The following CFAP44 variants were observed in gnomAD, a reference collection of about 807,000 sequenced individuals.
CFAP44 encodes cilia- and flagella-associated protein 44.
Under a neutral mutation model 216.2 loss-of-function variants are expected in CFAP44, and 134 were observed. The observed-to-expected ratio is 0.62, with a 90% CI of 0.54 to 0.72. The LOEUF (loss-of-function observed/expected upper bound fraction) is 0.72, where lower values mean the gene tolerates loss of function less well. CFAP44 is among the 30% of genes least tolerant of loss of function. CFAP44 has a pLI of 0.00. For missense variants in CFAP44, 2,035 were observed against 2,182.1 expected (o/e 0.93, Z 1.34); for synonymous variants, 700 against 727.6 (o/e 0.96, Z 0.61).
intron 21 of CFAP44, chr3:113,362,725 T>G (rs1205225266): frequency 3.0e-6 from 1 of 331,582 alleles, no homozygotes; most frequent in Non-Finnish European, 5.5e-6. Context: ...ACCAGTCTGC[T>G]TGCAGCAAAA....
rs1396478082 is a variant in CFAP44 at position 113,403,862 on chromosome 3, CCAT to C, written c.1157_1159del (p.Asp386del). 1 of 1,612,696 alleles carries C rather than the reference CCAT, an allele frequency of 6.2e-7. No homozygotes were observed. The highest frequency in any genetic ancestry group is 1.3e-5 in the African/African-American group (1 of 74,844). The stretch of plus-strand genomic sequence containing the variant: ...ATCGAGAAAACTTACCCTAACATAT[CCAT>C]CTGACCCAACAGTGATAACTTCACC... On this transcript the variant is annotated inframe_deletion, in exon 9 of 35. Coordinates refer to ENST00000393845, the MANE Select transcript of CFAP44 (RefSeq NM_001164496.2).
rs1304508445 is a variant in CFAP44 at position 113,358,863 on chromosome 3, C to T, written c.2947G>A (p.Asp983Asn). 21 of 1,536,294 alleles carry T rather than the reference C, an allele frequency of 1.4e-5. No individual in the cohort carries two copies. Among genetic ancestry groups the T allele is most frequent in the Admixed American group, 2.0e-5 (1 of 50,930 alleles). Residue 983 changes from aspartate (D) to asparagine (N), a missense_variant, in exon 22 of 35, where the codon GAT (aspartate) becomes AAT (asparagine). This residue lies in a region of CFAP44 where 1,883 missense variants were observed against 2,023.7 expected (regional missense o/e 0.93). Transcript: ENST00000393845. ...MQFKRTDFDV[D>N]SQIRAEMHRK... is the part of the protein sequence containing the mutation. ...TGCATCTCAGCACGGATTTGGGAATCTACATCAAAATCCTGCAGATAAGAA... is the reference window on the plus strand; with the variant it reads ...TGCATCTCAGCACGGATTTGGGAATTTACATCAAAATCCTGCAGATAAGAA...
chr3:113,402,513 C>T (rs1437432677), intron 9 of CFAP44, among the ~76,000 whole-genome samples: 2 of 152,154 alleles, frequency 1.3e-5, no homozygotes, highest in Non-Finnish European at 1.5e-5. Context: ...GGCAACATAC[C>T]CTGCCATGTG....
chr3:113,382,057 A>G (rs1357667150), intron 15 of CFAP44, among the ~76,000 whole-genome samples: 1 of 152,170 alleles, frequency 6.6e-6, no homozygotes, highest in Non-Finnish European at 1.5e-5. Context: ...CAAGGGAAAC[A>G]CCATGTGCAA....
intron 24 of CFAP44, among the ~76,000 whole-genome samples, chr3:113,335,162 T>C (rs1382308728): frequency 6.6e-6 from 1 of 152,176 alleles, no homozygotes; most frequent in East Asian, 1.9e-4. Context: ...ATCCTCATAA[T>C]ATAAACAACC....
At chr3:113,305,372 C>T (rs1471216852) in intron 30 of CFAP44, among the ~76,000 whole-genome samples, 2 of 152,164 alleles carry the variant, frequency 1.3e-5, no homozygotes, top group African/African-American at 4.8e-5. Context: ...TCTATGACTC[C>T]AGAGTTATAA....
chr3:113,344,901 T>C lies in CFAP44; in HGVS notation c.3066-189A>G, dbSNP rs1950366485. On this transcript the variant is annotated intron_variant, in intron 22 of 34. Coordinates refer to ENST00000393845, the MANE Select transcript of CFAP44 (RefSeq NM_001164496.2). ...GGATTGGACTTGATTAAAGAGCAAA[T>C]ATAGTCTTTCTAATGAAAATACTAA... 4.6e-5 allele frequency among the ~76,000 whole-genome samples: 7 copies of C among 151,902 alleles called. No individual in the cohort carries two copies. The South Asian group carries it at 1.5e-3, about 31-fold the overall frequency.
In CFAP44 at chr3:113,287,210, A is replaced by G; in HGVS notation, c.*4347T>C. 2.6e-6 allele frequency: 1 copy of G among 384,478 alleles called. No individual in the cohort carries two copies. Among genetic ancestry groups the G allele is most frequent in the South Asian group, 2.0e-5 (1 of 50,966 alleles). The allele number at this position is 384,478 out of a possible 1,614,324, so 23.8% of individuals were successfully genotyped here. On this transcript the variant is annotated 3_prime_UTR_variant, in exon 35 of 35. Coordinates refer to ENST00000393845, the MANE Select transcript of CFAP44 (RefSeq NM_001164496.2). The stretch of plus-strand genomic sequence containing the variant: ...TGGCAAGAGGAAGGATCCCAGGCAC[A>G]TGGTTCATCACGAGCATGAGGGAAC...
intron 1 of CFAP44, among the ~76,000 whole-genome samples, chr3:113,438,888 TTTTC>T (rs1935294833): frequency 6.6e-6 from 1 of 152,208 alleles, no homozygotes; most frequent in African/African-American, 2.4e-5. Flanking sequence ...TGTTTCCAAC[TTTTC>T]TTTACCACCC....
chr3:113,437,899 C>T (rs1935274119), intron 1 of CFAP44, among the ~76,000 whole-genome samples: 1 of 152,028 alleles, frequency 6.6e-6, no homozygotes, highest in African/African-American at 2.4e-5. Context: ...TCCCTGCTTG[C>T]CCAAGAAACA....
In CFAP44 at chr3:113,400,607, C is replaced by G. The variant is rs1378138898; in HGVS notation, c.1412G>C (p.Gly471Ala). ...AGAAACAGCCACGGCTTCAATAGCT[C>G]CAGAATGGAAGGAGAAGAGGCATTC... Reference protein sequence around the residue: ...DPECLFSFHSGAIEAVAVSPL... With the variant: ...DPECLFSFHSAAIEAVAVSPL... The change falls in exon 12 of 35, where the codon GGA (glycine) becomes GCA (alanine). Residue 471 changes from glycine to alanine, a missense_variant. By Grantham distance (60) the Gly-to-Ala change is moderately conservative (BLOSUM62 0). Transcript: ENST00000393845. 1.2e-5 allele frequency: 20 copies of G among 1,610,234 alleles called. No homozygotes were observed. Among genetic ancestry groups the G allele is most frequent in the Non-Finnish European group, 1.7e-5 (20 of 1,178,282 alleles).
At chr3:113,345,560 A>G (rs999681953) in intron 22 of CFAP44, among the ~76,000 whole-genome samples, 1 of 152,168 alleles carries the variant, frequency 6.6e-6, no homozygotes, top group Non-Finnish European at 1.5e-5. Flanking sequence ...GAAAGTCCCA[A>G]TCTATCAGAT....
chr3:113,346,036 C>G (rs944132550), intron 22 of CFAP44, among the ~76,000 whole-genome samples: 1 of 152,220 alleles, frequency 6.6e-6, no homozygotes, highest in Non-Finnish European at 1.5e-5. Context: ...GTGAACCCAG[C>G]TGGACTTCCT....
chr3:113,358,801 C>T lies in CFAP44; in HGVS notation c.3009G>A (p.Lys1003=), dbSNP rs1475312579. ...GTTTCTCTTTTTCCCAAGCTAATTC[C>T]TTTTCCACTTGTTGAATTTTGAAAG... ...KTAFKIQQVE[K]ELAWEKEKHE... is the part of the protein sequence containing the mutation. The change falls in exon 22 of 35, where the codon AAG becomes AAA. Residue 1003 remains lysine, a synonymous_variant. Transcript: ENST00000393845. 2 of 1,536,870 alleles carry T rather than the reference C, an allele frequency of 1.3e-6. No homozygotes were observed. Among genetic ancestry groups the T allele is most frequent in the South Asian group, 2.4e-5 (2 of 84,042 alleles).
At position 113,288,276 on chromosome 3, in the gene CFAP44, C is replaced by T. The variant is rs1482257833; in HGVS notation, c.*3281G>A. On this transcript the variant is annotated 3_prime_UTR_variant, in exon 35 of 35. Transcript: ENST00000393845. The stretch of plus-strand genomic sequence containing the variant: ...TCTGCTGGCCAAAATAAGTATAGCA[C>T]CTGCTATTCCTGACTTCTGCATCCT... 3.3e-5 allele frequency: 5 copies of T among 152,274 alleles called. No individual in the cohort carries two copies. The East Asian group carries it at 9.7e-4, about 29-fold the overall frequency. 9.4% of individuals were successfully genotyped at this position (152,274 alleles called of 1,614,324 possible).
At position 113,366,258 on chromosome 3, in the gene CFAP44, G is replaced by A; in HGVS notation, c.2496C>T (p.Val832=). 23 of 1,612,236 alleles carry A rather than the reference G, an allele frequency of 1.4e-5. No homozygotes were observed. Among genetic ancestry groups the A allele is most frequent in the Non-Finnish European group, 2.0e-5 (23 of 1,178,772 alleles). Residue 832 remains valine, a synonymous_variant, in exon 19 of 35, where the codon GTC becomes GTT. Transcript: ENST00000393845. ...AAGGATCATTTTGATTTAGGACATA[G>A]ACTCGAATTGCTCCATTTTTCATTC... The part of the protein sequence containing the change: ...FCGMKNGAIR[V]YVLNQNDPSL...
intron 33 of CFAP44, 107 bp from the exon 34 acceptor site, chr3:113,294,928 C>A: frequency 7.8e-7 from 1 of 1,277,832 alleles, no homozygotes; most frequent in Non-Finnish European, 1.0e-6. Context: ...GAGCAATGTG[C>A]CCATATGAAA....
intron 2 of CFAP44, among the ~76,000 whole-genome samples, chr3:113,432,904 A>G (rs1357793449): frequency 1.3e-5 from 2 of 152,162 alleles, no homozygotes; most frequent in Admixed American, 1.3e-4. Context: ...CATCTATCAG[A>G]TAATCTATTA....
intron 34 of CFAP44, chr3:113,294,131 T>C (rs746273294): frequency 1.6e-5 from 7 of 448,970 alleles, no homozygotes; most frequent in Non-Finnish European, 3.1e-5. Context: ...GTTTGGAATA[T>C]GCTATACATG....
Sources: gnomAD v4.1 joint callset for allele counts (sites outside exome capture counted in the v4.1 genomes callset) on GRCh38, gnomAD v4.1.1 for gene constraint, gnomAD v4.1.1 regional missense constraint, MANE v1.5 for transcripts, NCBI Gene and HGNC (gene_info 2026-07-23, HGNC 2026-07-21) for gene names.